TPRG1: variants seen among roughly 807,000 people sequenced by gnomAD.
TPRG1 encodes the protein tumor protein p63-regulated gene 1 protein.
A neutral mutation model predicts 29.3 loss-of-function variants in TPRG1; 29 were observed. The ratio of observed to expected loss-of-function variants is 0.99; its 90% confidence interval spans 0.74 to 1.35. The LOEUF is 1.35. Ranked by LOEUF, TPRG1 falls within the 40% of genes most tolerant of loss-of-function variation. TPRG1 has a pLI of 0.00. For missense variants in TPRG1, 327 were observed against 335.0 expected (o/e 0.98, Z 0.19); for synonymous variants, 130 against 116.8 (o/e 1.11, Z -0.73).
chr3:189,003,489 A>G (rs186823890), intron 2 of TPRG1, among the ~76,000 whole-genome samples: 127 of 152,278 alleles, frequency 8.3e-4, no homozygotes, highest in Non-Finnish European at 1.4e-3. Flanking sequence ...CTGATACCAC[A>G]CAGGAAAAGT....
At chr3:189,260,643 A>G (rs1314006206) in intron 4 of TPRG1, among the ~76,000 whole-genome samples, 3 of 152,222 alleles carry the variant, frequency 2.0e-5, no homozygotes, top group Admixed American at 6.5e-5. Flanking sequence ...GGCATCGCAC[A>G]TGTATCTCTC....
intron 3 of TPRG1, among the ~76,000 whole-genome samples, chr3:189,236,313 C>A (rs547184775): frequency 6.6e-6 from 1 of 152,130 alleles, no homozygotes; most frequent in Non-Finnish European, 1.5e-5. Flanking sequence ...ACCATTCAAC[C>A]AAAAGCTGCA....
At chr3:189,149,012 T>G (rs1725603116) in intron 4 of TPRG1, among the ~76,000 whole-genome samples, 1 of 152,238 alleles carries the variant, frequency 6.6e-6, no homozygotes, top group South Asian at 2.1e-4. Context: ...ATCTCTGCTC[T>G]GGTGTTAGCA....
At chr3:189,134,001 A>T (rs546811268) in intron 3 of TPRG1, among the ~76,000 whole-genome samples, 1 of 152,290 alleles carries the variant, frequency 6.6e-6, no homozygotes, top group South Asian at 2.1e-4. Flanking sequence ...TATCTGGACT[A>T]CTCATACTGC....
chr3:189,300,729 G>A (rs1720695861), intron 4 of TPRG1, among the ~76,000 whole-genome samples: 1 of 152,158 alleles, frequency 6.6e-6, no homozygotes, highest in Non-Finnish European at 1.5e-5. Flanking sequence ...TCCAGACCTA[G>A]AATCTGAGCA....
intron 1 of TPRG1, among the ~76,000 whole-genome samples, chr3:189,183,021 C>T (rs1730438620): frequency 6.6e-6 from 1 of 152,134 alleles, no homozygotes; most frequent in Non-Finnish European, 1.5e-5. Flanking sequence ...AGAGTAGCAA[C>T]TACTACTACT....
Position 189,321,935 on chromosome 3 carries a change from C to G in TPRG1, c.*1115C>G, listed in dbSNP as rs1212920982. 5 of 152,224 alleles carry G rather than the reference C, an allele frequency of 3.3e-5. No homozygotes were observed. The East Asian group carries it at 7.7e-4, about 24-fold the overall frequency. 9.4% of individuals were successfully genotyped at this position (152,224 alleles called of 1,614,324 possible). Reference sequence around the variant, plus strand: ...TTTTCAAAAACACTGTCTTAACACTCTATTGTCATTGCTCTTTTCCCTCTT... The same window carrying G: ...TTTTCAAAAACACTGTCTTAACACTGTATTGTCATTGCTCTTTTCCCTCTT... On this transcript the variant is annotated 3_prime_UTR_variant, in exon 6 of 6. Coordinates refer to ENST00000345063, the MANE Select transcript of TPRG1 (RefSeq NM_198485.4).
chr3:189,017,468 G>T (rs1223044345), intron 3 of TPRG1, among the ~76,000 whole-genome samples: 1 of 152,070 alleles, frequency 6.6e-6, no homozygotes. Context: ...CTATGAGTGA[G>T]AATATGCGGT....
intron 1 of TPRG1, among the ~76,000 whole-genome samples, chr3:189,205,650 A>G (rs981023973): frequency 2.2e-4 from 34 of 152,242 alleles, no homozygotes; most frequent in Admixed American, 2.0e-3. Context: ...ATAATATGGC[A>G]TTCCTACTTT....
chr3:189,022,828 T>C (rs976141919), intron 3 of TPRG1, among the ~76,000 whole-genome samples: 4 of 152,322 alleles, frequency 2.6e-5, no homozygotes, highest in African/African-American at 7.2e-5. Context: ...TCCCCCAGCC[T>C]CGCTGCCGCC....
At chr3:189,141,752 A>G (rs772276943) in intron 3 of TPRG1, among the ~76,000 whole-genome samples, 4 of 152,146 alleles carry the variant, frequency 2.6e-5, no homozygotes, top group Non-Finnish European at 5.9e-5. Flanking sequence ...TTACAGTCTC[A>G]AGTATTTGTG....
At chr3:189,084,146 G>A (rs923165530) in intron 4 of TPRG1, among the ~76,000 whole-genome samples, 9 of 149,696 alleles carry the variant, frequency 6.0e-5, no homozygotes, top group Admixed American at 1.3e-4. Flanking sequence ...GTGAGACTCC[G>A]TCTCCAAAAA....
At chr3:189,003,586 G>C (rs1712137190) in intron 2 of TPRG1, among the ~76,000 whole-genome samples, 1 of 152,038 alleles carries the variant, frequency 6.6e-6, no homozygotes, top group African/African-American at 2.4e-5. Flanking sequence ...TAGAGCTCTG[G>C]CTTGTATATT....
chr3:189,125,015 A>G (rs1446320320), intron 1 of TPRG1, among the ~76,000 whole-genome samples: 1 of 152,246 alleles, frequency 6.6e-6, no homozygotes, highest in African/African-American at 2.4e-5. Context: ...TCAATTTAGT[A>G]GGTAATCTTT....
intron 3 of TPRG1, among the ~76,000 whole-genome samples, chr3:189,137,955 G>A (rs1312786861): frequency 6.6e-6 from 1 of 152,070 alleles, no homozygotes. Context: ...TAATTCCATA[G>A]ATAATAGACA....
At chr3:189,256,669 C>T (rs1711948890) in intron 4 of TPRG1, among the ~76,000 whole-genome samples, 1 of 152,066 alleles carries the variant, frequency 6.6e-6, no homozygotes, top group African/African-American at 2.4e-5. Context: ...TAAGAACTTG[C>T]TTTATGAATC....
At chr3:189,267,069 G>T (rs1490547293) in intron 4 of TPRG1, among the ~76,000 whole-genome samples, 2 of 152,098 alleles carry the variant, frequency 1.3e-5, no homozygotes, top group African/African-American at 4.8e-5. Flanking sequence ...CCACATATAT[G>T]ATGGCAGTCC....
At chr3:189,310,895 G>C (rs988259403) in intron 5 of TPRG1, among the ~76,000 whole-genome samples, 1 of 152,048 alleles carries the variant, frequency 6.6e-6, no homozygotes, top group Non-Finnish European at 1.5e-5. Context: ...AGTTCGATGA[G>C]GTTCTATGGT....
intron 2 of TPRG1, among the ~76,000 whole-genome samples, chr3:189,212,454 T>G (rs1735414795): frequency 6.6e-6 from 1 of 152,196 alleles, no homozygotes; most frequent in Non-Finnish European, 1.5e-5. Context: ...ATTAGTTGTA[T>G]TGTTATTGCC....
Sources: gnomAD v4.1 joint callset for allele counts (sites outside exome capture counted in the v4.1 genomes callset) on GRCh38, gnomAD v4.1.1 for gene constraint, MANE v1.5 for transcripts, NCBI Gene and HGNC (gene_info 2026-07-23, HGNC 2026-07-21) for gene names.